The following DMD variants were observed in gnomAD, a reference collection of about 807,000 sequenced individuals.
DMD encodes the protein mutant dystrophin.
In DMD, 63 loss-of-function variants were observed where a neutral mutation model predicts 330.1. The observed-to-expected ratio is 0.19, with a 90% CI of 0.16 to 0.24. The LOEUF (loss-of-function observed/expected upper bound fraction) is 0.24, where lower values mean the gene tolerates loss of function less well. Among genes scored for constraint, DMD ranks in the 10% least tolerant of loss-of-function variants. DMD has a pLI of 1.00. For missense variants in DMD, 3,344 were observed against 2,684.1 expected (o/e 1.25, Z -5.43); for synonymous variants, 1,223 against 959.8 (o/e 1.27, Z -5.07).
intron 52 of DMD, among the ~76,000 whole-genome samples, chrX:31,720,322 C>T (rs1037867651): frequency 8.9e-6 from 1 of 112,015 alleles, no homozygotes; most frequent in Non-Finnish European, 1.9e-5. Context: ...GAGCTGAGAG[C>T]ATTTTTTAGG....
At chrX:33,273,004 C>T (rs1180410160) in intron 1 of DMD, among the ~76,000 whole-genome samples, 1 of 111,703 alleles carries the variant, frequency 9.0e-6, no homozygotes, top group Non-Finnish European at 1.9e-5. Flanking sequence ...ATCTGACCCT[C>T]CCTAAATAAT....
rs972369383 is a variant in DMD, at chrX:31,585,052, T to G, written c.8217+42621A>C. Among the ~76,000 whole-genome samples the G allele has an allele frequency of 2.7e-5, 3 of 110,422 alleles. No homozygotes were observed. The Admixed American group carries it at 2.9e-4, about 11-fold the overall frequency. On this transcript the variant is annotated intron_variant, in intron 55 of 78. Transcript: ENST00000357033. ...GAATGCAAACTCCAATGAGGCGCGG[T>G]GGCTCACACCTGTAATCCCAGCACT...
intron 53 of DMD, among the ~76,000 whole-genome samples, chrX:31,679,061 T>A (rs1312831105): frequency 2.7e-5 from 3 of 109,529 alleles, no homozygotes; most frequent in African/African-American, 1.0e-4. Context: ...CAAAAATTTT[T>A]AAAAAATTAG....
At chrX:33,153,040 AT>A (rs989812623) in intron 1 of DMD, among the ~76,000 whole-genome samples, 1 of 112,775 alleles carries the variant, frequency 8.9e-6, no homozygotes, top group African/African-American at 3.2e-5. Context: ...ATGGTGCAGC[AT>A]TTACTACAGA....
At chrX:31,327,091 C>A (rs774030623) in intron 61 of DMD, among the ~76,000 whole-genome samples, 1 of 112,290 alleles carries the variant, frequency 8.9e-6, no homozygotes, top group African/African-American at 3.2e-5. Flanking sequence ...GTGCTTATAA[C>A]CACTACGTGT....
rs149142481 is a variant in DMD, at chrX:31,642,410, C to T, written c.8028-14548G>A. 6.1e-3 allele frequency among the ~76,000 whole-genome samples: 689 copies of T among 112,088 alleles called. 6 individuals are homozygous for T. Among genetic ancestry groups the T allele is most frequent in the African/African-American group, 0.021 (651 of 30,899 alleles). ...ATATCATGTTGTAAAACATCTGGCT[C>T]ATTCTTGTGCTGTCATGATTTTCCA... On this transcript the variant is annotated intron_variant, in intron 54 of 78. Coordinates refer to ENST00000357033, the MANE Select transcript of DMD (RefSeq NM_004006.3).
intron 2 of DMD, among the ~76,000 whole-genome samples, chrX:32,916,934 A>T (rs1470336032): frequency 8.9e-6 from 1 of 111,792 alleles, no homozygotes; most frequent in Non-Finnish European, 1.9e-5. Context: ...TATCCCAATT[A>T]CTCTGATTTG....
At chrX:33,061,247 T>G (rs1457663361) in intron 1 of DMD, among the ~76,000 whole-genome samples, 3 of 112,718 alleles carry the variant, frequency 2.7e-5, no homozygotes, top group African/African-American at 9.7e-5. Context: ...AAAGTTATTT[T>G]GCTCAGGGAC....
chrX:31,965,684 G>A (rs780798197), intron 45 of DMD, among the ~76,000 whole-genome samples: 4 of 111,674 alleles, frequency 3.6e-5, no homozygotes, highest in Admixed American at 2.9e-4. Flanking sequence ...CCTTACAGCC[G>A]ATGATAGGTT....
Position 32,438,368 on chromosome X carries a change from T to C in DMD, c.3944A>G (p.His1315Arg). ...VLDSLENLMR[H>R]SEDNPNQIRI... is the part of the protein sequence containing the mutation. ...AATCTGATTTGGGTTATCCTCTGAA[T>C]GTCGCATCAAATTTTCAAGTGACTG... The change falls in exon 29 of 79, where the codon CAT (histidine) becomes CGT (arginine). Residue 1315 changes from histidine to arginine, a missense_variant. Transcript: ENST00000357033. 8.3e-7 allele frequency: 1 copy of C among 1,211,824 alleles called. No homozygotes were observed. The highest frequency in any genetic ancestry group is 1.1e-6 in the Non-Finnish European group (1 of 895,445).
intron 2 of DMD, among the ~76,000 whole-genome samples, chrX:32,877,368 A>G (rs2083457613): frequency 8.9e-6 from 1 of 112,770 alleles, no homozygotes; most frequent in African/African-American, 3.2e-5. Context: ...AGAAGCAGGA[A>G]TGCTAACATT....
chrX:33,008,923 T>TAC (rs1321629674), intron 2 of DMD, among the ~76,000 whole-genome samples: 1 of 82,216 alleles, frequency 1.2e-5, no homozygotes, highest in Non-Finnish European at 2.5e-5. Flanking sequence ...TATGTATATA[T>TAC]ACATGTATAT....
intron 45 of DMD, among the ~76,000 whole-genome samples, chrX:31,941,084 T>A (rs12556864): frequency 0.018 from 1,990 of 111,889 alleles, 11 homozygotes; most frequent in Non-Finnish European, 0.029. Context: ...GCCCTAGGAC[T>A]TCCCCCCAGA....
intron 50 of DMD, among the ~76,000 whole-genome samples, chrX:31,801,131 C>T (rs1289112729): frequency 2.7e-5 from 3 of 111,333 alleles, no homozygotes; most frequent in Non-Finnish European, 5.6e-5. Context: ...TACCCAAGAC[C>T]GGGTAATTTA....
intron 2 of DMD, among the ~76,000 whole-genome samples, chrX:32,927,283 T>A (rs1231826235): frequency 9.0e-6 from 1 of 110,763 alleles, no homozygotes; most frequent in Non-Finnish European, 1.9e-5. Flanking sequence ...AATAAATATT[T>A]GTTTATTGCC....
chrX:33,190,475 CT>C (rs1179347488), intron 1 of DMD, among the ~76,000 whole-genome samples: 17 of 22,429 alleles, frequency 7.6e-4, no homozygotes, highest in Admixed American at 1.8e-3. Flanking sequence ...ATCTTTCTTT[CT>C]TTTTTTTTTT....
At chrX:33,052,079 C>G (rs1427463206) in intron 1 of DMD, among the ~76,000 whole-genome samples, 1 of 111,572 alleles carries the variant, frequency 9.0e-6, no homozygotes, top group East Asian at 2.8e-4. Context: ...TATTTGAATG[C>G]AAAACACTTA....
intron 1 of DMD, among the ~76,000 whole-genome samples, chrX:33,033,576 G>A (rs1324162253): frequency 4.4e-5 from 4 of 90,881 alleles, no homozygotes; most frequent in Non-Finnish European, 6.2e-5. Flanking sequence ...AAAACTAGCC[G>A]GGCGTGGTGG....
At chrX:31,821,797 C>T (rs1224875693) in intron 49 of DMD, among the ~76,000 whole-genome samples, 1 of 111,906 alleles carries the variant, frequency 8.9e-6, no homozygotes, top group African/African-American at 3.3e-5. Flanking sequence ...ATACAAATAA[C>T]TTGATTGATG....
Sources: gnomAD v4.1 joint callset for allele counts (sites outside exome capture counted in the v4.1 genomes callset) on GRCh38, gnomAD v4.1.1 for gene constraint, MANE v1.5 for transcripts, NCBI Gene and HGNC (gene_info 2026-07-23, HGNC 2026-07-21) for gene names.